AXIN2: variants seen among roughly 807,000 people sequenced by gnomAD.
The protein encoded by AXIN2 is axin-2.
A neutral mutation model predicts 74.7 loss-of-function variants in AXIN2; 21 were observed. That is an observed-to-expected ratio of 0.28 (90% CI 0.20 to 0.40). The LOEUF is 0.40. AXIN2 is among the 10% of genes least tolerant of loss of function. The pLI is 1.00. For synonymous variants in AXIN2, 532 were observed against 454.9 expected (o/e 1.17, Z -2.16); for missense variants, 1,144 against 1,111.1 (o/e 1.03, Z -0.42).
chr17:65,555,817 T>C (rs1012295729), intron 2 of AXIN2, among the ~76,000 whole-genome samples: 5 of 152,146 alleles, frequency 3.3e-5, no homozygotes, highest in Non-Finnish European at 7.3e-5. Context: ...GTTAAAATGA[T>C]GTGAGATCAT....
At chr17:65,538,427 C>T (rs2144480188) in intron 4 of AXIN2, 84 bp from the exon 5 acceptor site, 1 of 1,557,534 alleles carries the variant, frequency 6.4e-7, no homozygotes, top group East Asian at 2.3e-5. Flanking sequence ...CCGCACCAGG[C>T]GCTGTGCACC....
At position 65,558,100 on chromosome 17, in the gene AXIN2, G is replaced by A. The variant is rs1555583417; in HGVS notation, c.521C>T (p.Ala174Val). The A allele has an allele frequency of 2.5e-6, 4 of 1,613,982 alleles. No individual in the cohort carries two copies. Among genetic ancestry groups the A allele is most frequent in the Middle Eastern group, 1.6e-4 (1 of 6,062 alleles). The change falls in exon 2 of 11, where the codon GCG becomes GTG. Residue 174 changes from alanine to valine, a missense_variant. Physicochemically the swap from Ala to Val is moderately conservative, Grantham distance 64. Around this residue, in one of 4 missense-constraint regions of AXIN2, gnomAD observed 1,053 missense variants for 973.5 expected, o/e 1.08. Transcript: ENST00000307078. ...CATCACCGACTGGATCTCGGTCTGC[G>A]CCTGGTCAAACATGATGGAATCAAT... Reference protein sequence around the residue: ...QQIDSIMFDQAQTEIQSVMEE... With the variant: ...QQIDSIMFDQVQTEIQSVMEE...
chr17:65,560,177 C>T (rs982840589), intron 1 of AXIN2: 1 of 152,352 alleles, frequency 6.6e-6, no homozygotes, highest in East Asian at 1.9e-4. Context: ...AAGCAGCAGC[C>T]TAGTCCAGAA....
rs780449193 is a variant in AXIN2, at chr17:65,538,156, C to T, written c.1200+47G>A. The T allele has an allele frequency of 3.7e-6, 6 of 1,613,442 alleles. No homozygotes were observed. In the East Asian group the frequency reaches 8.9e-5, roughly 24 times the overall value. Reference sequence around the variant, plus strand: ...ATGCACATGCGCATACACATACGAGCGCTCACGCCGTGGACGGAAGCAGGA... The same window carrying T: ...ATGCACATGCGCATACACATACGAGTGCTCACGCCGTGGACGGAAGCAGGA... On this transcript the variant is annotated intron_variant, in intron 5 of 10. Transcript: ENST00000307078.
chr17:65,538,061 C>A, intron 5 of AXIN2, 142 bp downstream of exon 5: 2 of 1,477,370 alleles, frequency 1.4e-6, no homozygotes, highest in South Asian at 2.4e-5. Context: ...CACGCCCAGG[C>A]ACACACCCAC....
chr17:65,536,164 T>C (rs1215030978), intron 8 of AXIN2, among the ~76,000 whole-genome samples, 156 bp downstream of exon 8: 1 of 152,232 alleles, frequency 6.6e-6, no homozygotes, highest in African/African-American at 2.4e-5. Flanking sequence ...TTCTAGAAGC[T>C]GGAAAGCAGC....
chr17:65,555,729 C>T (rs557557099), intron 2 of AXIN2, among the ~76,000 whole-genome samples: 6 of 152,226 alleles, frequency 3.9e-5, no homozygotes, highest in African/African-American at 9.6e-5. Context: ...AGTGGTGGAC[C>T]GGGCTGGAAT....
At chr17:65,559,549 A>C (rs1227395422) in intron 1 of AXIN2, 2 of 151,876 alleles carry the variant, frequency 1.3e-5, no homozygotes, top group Admixed American at 6.6e-5. Context: ...ACTTTGAGAG[A>C]GAGCTGAGAA....
intron 2 of AXIN2, among the ~76,000 whole-genome samples, chr17:65,553,757 A>G (rs2044225722): frequency 6.9e-6 from 1 of 144,750 alleles, no homozygotes; most frequent in South Asian, 2.2e-4. Context: ...GAGACTCGGT[A>G]TTTCAGAACC....
intron 4 of AXIN2, among the ~76,000 whole-genome samples, chr17:65,540,787 C>T (rs1257862389): frequency 1.3e-5 from 2 of 152,200 alleles, no homozygotes; most frequent in Non-Finnish European, 2.9e-5. Flanking sequence ...CCTTGCGCAT[C>T]ATGATTGAAA....
chr17:65,535,645 G>A lies in AXIN2; in HGVS notation c.2218C>T (p.Pro740Ser), dbSNP rs370503213. Residue 740 changes from proline to serine, a missense_variant, in exon 9 of 11, where the codon CCA (proline) becomes TCA (serine). Physicochemically the swap from Pro to Ser is moderately conservative, Grantham distance 74. This residue lies in a region of AXIN2 where 1,053 missense variants were observed against 973.5 expected (regional missense o/e 1.08). Transcript: ENST00000307078. ...VQTGATPFSN[P>S]SLAPEDHKEP... ...ACTCACTCTTCTGGAGCCAGGCTTG[G>A]ATTGGAGAAGGGTGTGGCTCCCGTC... 2.8e-5 allele frequency: 46 copies of A among 1,614,092 alleles called. 1 individual carries two copies. The African/African-American group carries it at 4.5e-4, about 16-fold the overall frequency.
Position 65,534,018 on chromosome 17 carries a change from T to G in AXIN2, c.2299A>C (p.Thr767Pro). ...ATTTCTTCCCCACAGAAAAAGTAAG[T>G]GACAACCAACTCACTGGCCTGGAGC... ...HALQASELVV[T>P]YFFCGEEIPY... is the part of the protein sequence containing the mutation. Residue 767 changes from threonine to proline, a missense_variant, in exon 10 of 11, where the codon ACT becomes CCT. Thr to Pro is a conservative substitution (Grantham distance 38). Coordinates refer to ENST00000307078, the MANE Select transcript of AXIN2 (RefSeq NM_004655.4). 1 of 1,614,218 alleles carries G rather than the reference T, an allele frequency of 6.2e-7. No homozygotes were observed. The highest frequency in any genetic ancestry group is 8.5e-7 in the Non-Finnish European group (1 of 1,180,032).
chr17:65,536,569 G>A lies in AXIN2; in HGVS notation c.1908-16C>T, dbSNP rs766903157. 1.1e-5 allele frequency: 17 copies of A among 1,612,910 alleles called. No homozygotes were observed. Among genetic ancestry groups the A allele is most frequent in the Non-Finnish European group, 1.4e-5 (16 of 1,179,348 alleles). ...GCTTTGGGCACTAAACAAGGAATGA[G>A]CAGAGAGAAAACAGAAGGAAAGAAA... On this transcript the variant is annotated splice_polypyrimidine_tract_variant and intron_variant, in intron 7 of 10. Coordinates refer to ENST00000307078, the MANE Select transcript of AXIN2 (RefSeq NM_004655.4).
chr17:65,538,847 C>T (rs753438138), intron 4 of AXIN2, among the ~76,000 whole-genome samples: 1 of 152,050 alleles, frequency 6.6e-6, no homozygotes, highest in Non-Finnish European at 1.5e-5. Context: ...GGGAGTCAAA[C>T]GGCCTGGATC....
chr17:65,552,788 G>C (rs1355971186), intron 2 of AXIN2, among the ~76,000 whole-genome samples: 1 of 152,154 alleles, frequency 6.6e-6, no homozygotes, highest in Non-Finnish European at 1.5e-5. Flanking sequence ...CAGCACTTTG[G>C]GAGGCCGAGA....
At chr17:65,560,442 G>A (rs2044349335) in intron 1 of AXIN2, 1 of 148,882 alleles carries the variant, frequency 6.7e-6, no homozygotes, top group Non-Finnish European at 1.5e-5. Context: ...GGGAGGGCAA[G>A]CGGGGGGCGC....
chr17:65,536,031 G>A (rs2043907047), intron 8 of AXIN2, among the ~76,000 whole-genome samples: 2 of 152,166 alleles, frequency 1.3e-5, no homozygotes, highest in Non-Finnish European at 2.9e-5. Context: ...AAACAATCAA[G>A]ACATTTGTAA....
At chr17:65,552,940 A>C (rs1432312896) in intron 2 of AXIN2, among the ~76,000 whole-genome samples, 1 of 152,140 alleles carries the variant, frequency 6.6e-6, no homozygotes, top group East Asian at 1.9e-4. Context: ...AGGCAGGAGA[A>C]TCGCTTGAAC....
In AXIN2 at chr17:65,528,866, G is replaced by T. The variant is rs2043770584; in HGVS notation, c.*1110C>A. The T allele has an allele frequency of 2.5e-6, 1 of 398,428 alleles. No individual in the cohort carries two copies. The highest frequency in any genetic ancestry group is 4.6e-6 in the Non-Finnish European group (1 of 215,818). 24.7% of individuals were successfully genotyped at this position (398,428 alleles called of 1,614,324 possible). On this transcript the variant is annotated 3_prime_UTR_variant, in exon 11 of 11. Transcript: ENST00000307078. ...TTTAAAGTCAAGCACTAGAGATAGT[G>T]GATTAATACTCTTTTGCCGTACACT... is the stretch of plus-strand genomic sequence containing the variant.
Sources: allele counts gnomAD v4.1 joint callset (sites outside exome capture counted in the v4.1 genomes callset), GRCh38; gene constraint gnomAD v4.1.1; regional missense constraint gnomAD v4.1.1; transcripts MANE v1.5; gene names NCBI Gene and HGNC (gene_info 2026-07-23, HGNC 2026-07-21).